Variants in ANKRD36C observed in about 807,000 individuals in gnomAD.
ANKRD36C encodes ankyrin repeat domain 36C, also known as ankyrin repeat domain-containing protein 36C.
ANKRD36C carries 61 observed loss-of-function variants against 276.4 expected under a neutral mutation model. That is an observed-to-expected ratio of 0.22 (90% CI 0.18 to 0.27). The LOEUF is 0.27. Among genes scored for constraint, ANKRD36C ranks in the 10% least tolerant of loss-of-function variants. The pLI is 1.00. For synonymous variants in ANKRD36C, 483 were observed against 680.1 expected, an observed-to-expected ratio of 0.71 and a Z score of 4.51; for missense variants, 1,447 against 2,032.3, an observed-to-expected ratio of 0.71 and a Z score of 5.54.
At chr2:95,928,784 A>C (rs77662705) in intron 26 of ANKRD36C, among the ~76,000 whole-genome samples, 2 of 151,550 alleles carry the variant, frequency 1.3e-5, no homozygotes, top group South Asian at 4.2e-4. Flanking sequence ...ACATGCTGTA[A>C]AATTAAAGCA....
chr2:95,965,017 G>C (rs1678558334), intron 6 of ANKRD36C, among the ~76,000 whole-genome samples: 1 of 151,690 alleles, frequency 6.6e-6, no homozygotes, highest in Admixed American at 6.6e-5. Flanking sequence ...AACTTGTGAA[G>C]ACTTGAAAAC....
chr2:95,927,296 AT>A lies in ANKRD36C; in HGVS notation c.1867-11del, dbSNP rs1243530948. The A allele has an allele frequency of 3.7e-6, 6 of 1,609,442 alleles. No individual in the cohort carries two copies. The African/African-American group carries it at 8.0e-5, about 22-fold the overall frequency. ...TCTCATCACTTGTAGCCTGAATGGG[AT>A]TTGAAACAAAATAATCAATACGTAA... On this transcript the variant is annotated splice_polypyrimidine_tract_variant and intron_variant, in intron 27 of 66. Transcript: ENST00000456556.
intron 34 of ANKRD36C, among the ~76,000 whole-genome samples, chr2:95,918,781 A>T (rs1258600169): frequency 2.6e-5 from 4 of 151,346 alleles, no homozygotes; most frequent in Admixed American, 2.0e-4. Flanking sequence ...GTAAACCTGC[A>T]GCAAGCGTTA....
chr2:95,921,480 G>A, intron 34 of ANKRD36C, 127 bp downstream of exon 34: 1 of 1,318,582 alleles, frequency 7.6e-7, no homozygotes, highest in Non-Finnish European at 1.0e-6. Context: ...AAGACTCTCA[G>A]GCCTACTGAA....
intron 42 of ANKRD36C, 136 bp downstream of exon 46, chr2:95,910,237 T>C: frequency 4.6e-6 from 5 of 1,078,254 alleles, no homozygotes; most frequent in South Asian, 1.5e-5. Context: ...ACCCAACAAC[T>C]TACTACAAAT....
At chr2:95,850,180 T>C (rs1378882874), downstream of ANKRD36C, among the ~76,000 whole-genome samples, 1 of 152,288 alleles carries the variant, frequency 6.6e-6, no homozygotes, top group African/African-American at 2.4e-5. Context: ...GGCAGTTAAG[T>C]ATCAGAGCTT....
intron 5 of ANKRD36C, among the ~76,000 whole-genome samples, chr2:95,979,484 C>T (rs1014225714): frequency 4.6e-5 from 7 of 151,822 alleles, no homozygotes; most frequent in East Asian, 1.9e-4. Flanking sequence ...AAGTAGAATC[C>T]GAAAATATTT....
exon 19 of ANKRD36C, chr2:95,944,671 T>C: frequency 2.0e-6 from 3 of 1,537,230 alleles, no homozygotes; most frequent in Non-Finnish European, 2.6e-6. Flanking sequence ...TTTTCTGTTT[T>C]GTCAATGCCA....
chr2:95,907,989 G>C (rs979934191), intron 42 of ANKRD36C, among the ~76,000 whole-genome samples: 3 of 150,380 alleles, frequency 2.0e-5, no homozygotes, highest in African/African-American at 7.3e-5. Context: ...TTTCTCAGCA[G>C]AAACCCCAAA....
chr2:95,934,314 T>G lies in ANKRD36C; in HGVS notation c.1735+1140A>C, dbSNP rs1677653653. Among the ~76,000 whole-genome samples the G allele has an allele frequency of 2.0e-5, 3 of 152,194 alleles. No individual in the cohort carries two copies. The South Asian group carries it at 6.2e-4, about 32-fold the overall frequency. ...AAGACACATGCACATCTATGTCTAT[T>G]GCAGCACTACTCACAATAGCAAAGA... is the stretch of plus-strand genomic sequence containing the variant. On this transcript the variant is annotated intron_variant, in intron 24 of 66. Transcript: ENST00000456556.
chr2:95,871,981 T>A (rs1159104548), intron 59 of ANKRD36C, among the ~76,000 whole-genome samples: 2 of 148,496 alleles, frequency 1.3e-5, no homozygotes, highest in African/African-American at 5.0e-5. Flanking sequence ...CCTAAATATA[T>A]ATGCACCCAA....
At chr2:95,933,714 T>C (rs1036692600) in intron 24 of ANKRD36C, among the ~76,000 whole-genome samples, 3 of 152,346 alleles carry the variant, frequency 2.0e-5, no homozygotes, top group African/African-American at 7.2e-5. Flanking sequence ...AATCATGTTA[T>C]CTGCAGAGAC....
At chr2:95,891,101 T>C (rs1328074833) in intron 46 of ANKRD36C, among the ~76,000 whole-genome samples, 2 of 151,456 alleles carry the variant, frequency 1.3e-5, no homozygotes, top group African/African-American at 4.8e-5. Flanking sequence ...ATATTTGTTA[T>C]GAAAATATTC....
intron 60 of ANKRD36C, among the ~76,000 whole-genome samples, chr2:95,861,289 A>G (rs1196741917): frequency 1.3e-5 from 2 of 152,118 alleles, no homozygotes; most frequent in Non-Finnish European, 2.9e-5. Flanking sequence ...CAAATTAGAG[A>G]TAACAAAGGA....
chr2:95,918,114 T>G (rs540062280), intron 34 of ANKRD36C, 72 bp from the exon 37 acceptor site: 1 of 1,562,678 alleles, frequency 6.4e-7, no homozygotes, highest in Admixed American at 1.8e-5. Flanking sequence ...TCACACAGTG[T>G]TAGCATCAAG....
chr2:95,926,101 C>A (rs1237318762), intron 28 of ANKRD36C, among the ~76,000 whole-genome samples: 1 of 151,462 alleles, frequency 6.6e-6, no homozygotes, highest in African/African-American at 2.4e-5. Flanking sequence ...TGGGATAATC[C>A]TGTATATAAT....
At chr2:95,917,650 T>A (rs1677140477) in intron 36 of ANKRD36C, among the ~76,000 whole-genome samples, 1 of 151,514 alleles carries the variant, frequency 6.6e-6, no homozygotes, top group East Asian at 2.0e-4. Flanking sequence ...GGGAAGTGTA[T>A]AATCATACTG....
intron 5 of ANKRD36C, among the ~76,000 whole-genome samples, chr2:95,979,751 C>G (rs191362927): frequency 6.6e-6 from 1 of 151,858 alleles, no homozygotes; most frequent in Admixed American, 6.6e-5. Context: ...TAGAACTATC[C>G]CAACTAATAT....
chr2:95,951,476 T>C, intron 14 of ANKRD36C, 68 bp from the exon 15 acceptor site: 1 of 1,181,464 alleles, frequency 8.5e-7, no homozygotes, highest in East Asian at 2.6e-5. Context: ...ATACCCACCA[T>C]TACTACGTGA....
Sources: allele counts gnomAD v4.1 joint callset (sites outside exome capture counted in the v4.1 genomes callset), GRCh38; gene constraint gnomAD v4.1.1; transcripts MANE v1.5; gene names NCBI Gene and HGNC (gene_info 2026-07-23, HGNC 2026-07-21).